The following LPAR6 variants were observed in gnomAD, a reference collection of about 807,000 sequenced individuals.
The protein encoded by LPAR6 is G-protein coupled purinergic receptor P2Y5.
LPAR6 carries 17 observed loss-of-function variants against 22.0 expected under a neutral mutation model. The ratio of observed to expected loss-of-function variants is 0.77; its 90% confidence interval spans 0.53 to 1.16. The LOEUF (loss-of-function observed/expected upper bound fraction) is 1.16, where lower values mean the gene tolerates loss of function less well. Among genes scored for constraint, LPAR6 ranks in the 50% most tolerant of loss-of-function variants. The probability of loss-of-function intolerance (pLI) is 0.00; values close to 1 mark genes in which losing one functional copy is unlikely to be tolerated. For synonymous variants in LPAR6, 136 were observed against 139.8 expected, an observed-to-expected ratio of 0.97 and a Z score of 0.19; for missense variants, 384 against 406.9, an observed-to-expected ratio of 0.94 and a Z score of 0.48.
At chr13:48,404,699 G>A (rs1948724450) in intron 1 of LPAR6, among the ~76,000 whole-genome samples, 1 of 151,968 alleles carries the variant, frequency 6.6e-6, no homozygotes, top group Non-Finnish European at 1.5e-5. Context: ...GATAATTTTT[G>A]TATTTTTAGT....
intron 1 of LPAR6, chr13:48,404,386 C>T (rs1948720549): frequency 6.6e-6 from 1 of 151,760 alleles, no homozygotes; most frequent in Admixed American, 6.6e-5. Flanking sequence ...AATATTTATT[C>T]ATTACCATAA....
downstream of LPAR6, chr13:48,406,488 T>C (rs1458819636): frequency 6.6e-6 from 1 of 152,218 alleles, no homozygotes; most frequent in Non-Finnish European, 1.5e-5. Flanking sequence ...ATTTTTCTTT[T>C]CTTGCTGAAG....
upstream of LPAR6, among the ~76,000 whole-genome samples, chr13:48,413,264 A>G (rs1287609979): frequency 3.3e-5 from 5 of 152,196 alleles, no homozygotes; most frequent in Admixed American, 3.3e-4. Context: ...AGGCTTGCAA[A>G]TGGTCACTGG....
In LPAR6 at chr13:48,412,398, C is replaced by T. The variant is rs1310533086; in HGVS notation, c.26G>A (p.Cys9Tyr). Reference sequence around the variant, plus strand: ...GTACTTAAAGGAGTCATTATAGAAGCAGTGGGAGCTGTTAACGCTTACCAT... The same window carrying T: ...GTACTTAAAGGAGTCATTATAGAAGTAGTGGGAGCTGTTAACGCTTACCAT... MVSVNSSHCFYNDSFKYTL... is the reference protein window; with the variant it reads MVSVNSSHYFYNDSFKYTL... Residue 9 changes from cysteine to tyrosine, a missense_variant, in exon 1 of 1, where the codon TGC becomes TAC. Physicochemically the swap from Cys to Tyr is radical, Grantham distance 194. Transcript: ENST00000620633. 6.2e-7 allele frequency: 1 copy of T among 1,613,944 alleles called. No homozygotes were observed. The highest frequency in any genetic ancestry group is 1.7e-5 in the Admixed American group (1 of 60,020).
At chr13:48,400,254 TA>T (rs1330709446) in intron 1 of LPAR6, among the ~76,000 whole-genome samples, 2 of 152,096 alleles carry the variant, frequency 1.3e-5, no homozygotes, top group African/African-American at 4.8e-5. Flanking sequence ...TAGGTACTGT[TA>T]AAAGTGCTTC....
intron 1 of LPAR6, among the ~76,000 whole-genome samples, chr13:48,396,262 A>C (rs964255447): frequency 6.6e-6 from 1 of 152,142 alleles, no homozygotes; most frequent in African/African-American, 2.4e-5. Context: ...CAAGGCCACA[A>C]TAATCAAAAC....
chr13:48,421,834 G>C (rs7984036), intron 2 of LPAR6, among the ~76,000 whole-genome samples: 1 of 152,122 alleles, frequency 6.6e-6, no homozygotes, highest in Non-Finnish European at 1.5e-5. Context: ...TCTCATGGCC[G>C]TTAGAATGGC....
intron 1 of LPAR6, among the ~76,000 whole-genome samples, chr13:48,393,959 G>A (rs1358296451): frequency 6.6e-6 from 1 of 152,186 alleles, no homozygotes; most frequent in African/African-American, 2.4e-5. Context: ...GGATGGGCTG[G>A]CAAGATAGCC....
chr13:48,397,606 A>G (rs1377933868), intron 1 of LPAR6, among the ~76,000 whole-genome samples: 1 of 152,198 alleles, frequency 6.6e-6, no homozygotes, highest in African/African-American at 2.4e-5. Flanking sequence ...ACAAACCTGC[A>G]CATTCTGCAC....
chr13:48,433,655 T>C lies in LPAR6; in HGVS notation c.-1473-9536A>G, dbSNP rs77148765. 0.012 allele frequency among the ~76,000 whole-genome samples: 1,738 copies of C among 148,874 alleles called. 65 individuals carry two copies. In the East Asian group the frequency reaches 0.12, roughly 10 times the overall value. On this transcript the variant is annotated intron_variant, in intron 1 of 6. Coordinates refer to the LPAR6 transcript ENST00000378434. ...TCTTGATAAAACTGTTCCACTGTTT[T>C]ATTTGTTTTACTGTTAACAAAAATG...
At position 48,411,942 on chromosome 13, in the gene LPAR6, C is replaced by G; in HGVS notation, c.482G>C (p.Gly161Ala). Residue 161 changes from glycine to alanine, a missense_variant, in exon 1 of 1, where the codon GGT becomes GCT. Gly to Ala is a moderately conservative substitution (Grantham distance 60). Coordinates refer to ENST00000620633, the MANE Select transcript of LPAR6 (RefSeq NM_001162498.3). ...AVFVQSTHSQ[G>A]NNASEACFEN... ...AAAGCAGGCTTCTGAGGCATTGTTA[C>G]CCTGAGAGTGGGTAGACTGAACAAA... 1 of 1,612,446 alleles carries G rather than the reference C, an allele frequency of 6.2e-7. No homozygotes were observed. The highest frequency in any genetic ancestry group is 1.1e-5 in the South Asian group (1 of 90,960).
At chr13:48,394,159 T>A (rs1593464361) in intron 1 of LPAR6, among the ~76,000 whole-genome samples, 1 of 152,024 alleles carries the variant, frequency 6.6e-6, no homozygotes, top group African/African-American at 2.4e-5. Context: ...GTTGGGGAAC[T>A]CCCTCCCCTA....
upstream of LPAR6, among the ~76,000 whole-genome samples, chr13:48,429,767 CAGT>C (rs763922603): frequency 1.6e-4 from 25 of 152,072 alleles, no homozygotes; most frequent in Non-Finnish European, 3.2e-4. Flanking sequence ...TATGTACCAG[CAGT>C]AATCAACTGG....
intron 1 of LPAR6, among the ~76,000 whole-genome samples, chr13:48,393,945 C>G (rs920509589): frequency 1.3e-5 from 2 of 152,256 alleles, no homozygotes; most frequent in Admixed American, 6.5e-5. Context: ...TAAGAAAATA[C>G]TTAGGATGGG....
At chr13:48,429,553 A>G (rs1246848229), upstream of LPAR6, 3 of 152,044 alleles carry the variant, frequency 2.0e-5, no homozygotes, top group Non-Finnish European at 4.4e-5. Flanking sequence ...AACCCACATT[A>G]TTGGTGTGGT....
At chr13:48,441,073 A>G (rs927572656) in intron 1 of LPAR6, among the ~76,000 whole-genome samples, 2 of 152,206 alleles carry the variant, frequency 1.3e-5, no homozygotes, top group Non-Finnish European at 2.9e-5. Context: ...TTAACAAAAT[A>G]CCATAGATTT....
At chr13:48,441,022 A>G (rs1438514807) in intron 1 of LPAR6, among the ~76,000 whole-genome samples, 1 of 152,170 alleles carries the variant, frequency 6.6e-6, no homozygotes, top group Non-Finnish European at 1.5e-5. Context: ...TAATCATTAG[A>G]TTTTCTGAAC....
intron 1 of LPAR6, among the ~76,000 whole-genome samples, chr13:48,437,213 C>T (rs1365908682): frequency 6.6e-6 from 1 of 152,136 alleles, no homozygotes; most frequent in Non-Finnish European, 1.5e-5. Context: ...AAGCGTTGTT[C>T]AGAGAGCAAT....
At chr13:48,406,420 A>C (rs950804705), downstream of LPAR6, 4 of 152,244 alleles carry the variant, frequency 2.6e-5, no homozygotes, top group African/African-American at 9.6e-5. Context: ...AGGACAAATC[A>C]GAAAAAAAGG....
Sources: allele counts gnomAD v4.1 joint callset (sites outside exome capture counted in the v4.1 genomes callset), GRCh38; gene constraint gnomAD v4.1.1; transcripts MANE v1.5; gene names NCBI Gene and HGNC (gene_info 2026-07-23, HGNC 2026-07-21).